KLK5: variants seen among roughly 807,000 people sequenced by gnomAD.
KLK5 encodes kallikrein related peptidase 5, also known as kallikrein-5.
KLK5 carries 18 observed loss-of-function variants against 24.0 expected under a neutral mutation model. The observed-to-expected ratio is 0.75, with a 90% confidence interval of 0.52 to 1.11. KLK5 has a LOEUF of 1.11. KLK5 is among the 50% of genes most tolerant of loss of function. KLK5 has a pLI of 0.00. For synonymous variants in KLK5, 140 were observed against 154.0 expected (o/e 0.91, Z 0.67); for missense variants, 374 against 379.2 (o/e 0.99, Z 0.11).
intron 2 of KLK5, chr19:50,950,379 T>C: frequency 1.9e-6 from 1 of 529,048 alleles, no homozygotes; most frequent in Non-Finnish European, 3.4e-6. Flanking sequence ...GAGGGTAAAA[T>C]TGGGTACAGG....
intron 5 of KLK5, among the ~76,000 whole-genome samples, chr19:50,946,980 G>A (rs546584986): frequency 6.6e-6 from 1 of 152,048 alleles, no homozygotes; most frequent in Non-Finnish European, 1.5e-5. Flanking sequence ...GTACAATTTG[G>A]GGGGAGCTTT....
At chr19:50,952,062 G>T (rs1372014226) in intron 2 of KLK5, among the ~76,000 whole-genome samples, 1 of 151,744 alleles carries the variant, frequency 6.6e-6, no homozygotes, top group Non-Finnish European at 1.5e-5. Context: ...CACAAATACG[G>T]GCATCCATAA....
Position 50,948,643 on chromosome 19 carries a change from G to A in KLK5, c.723C>T (p.Cys241=), listed in dbSNP as rs1366326952. The A allele has an allele frequency of 3.7e-6, 6 of 1,613,912 alleles. No homozygotes were observed. Among genetic ancestry groups the A allele is most frequent in the Middle Eastern group, 1.6e-4 (1 of 6,084 alleles). Residue 241 remains cysteine (C), a synonymous_variant, in exon 5 of 6, where the codon TGC becomes TGT. Transcript: ENST00000336334. ...CAGDKAGRDS[C]QGDSGGPVVC... ...GAATAAAGAGAGGTGTCCTCACCTGGCAGGAGTCTCTACCTGCTTTGTCAC... is the reference window on the plus strand; with the variant it reads ...GAATAAAGAGAGGTGTCCTCACCTGACAGGAGTCTCTACCTGCTTTGTCAC...
rs777187698 is a variant in KLK5, at chr19:50,943,623, G to A, written c.*8C>T. On this transcript the variant is annotated 3_prime_UTR_variant, in exon 6 of 6. Transcript: ENST00000336334. ...TGGGGATGCCGGTGTGCTGAGTCCTGGGATGACTCAGGAGTTGGCCTGGAT... is the reference window on the plus strand; with the variant it reads ...TGGGGATGCCGGTGTGCTGAGTCCTAGGATGACTCAGGAGTTGGCCTGGAT... 1.7e-5 allele frequency: 27 copies of A among 1,612,402 alleles called. No homozygotes were observed. The highest frequency in any genetic ancestry group is 2.2e-5 in the South Asian group (2 of 90,924).
intron 2 of KLK5, among the ~76,000 whole-genome samples, chr19:50,950,890 C>CAAAAAA (rs10650166): frequency 1.0e-5 from 1 of 99,958 alleles, no homozygotes; most frequent in African/African-American, 4.1e-5. Flanking sequence ...AGACTGTCTC[C>CAAAAAA]AAAAAAAAAA....
chr19:50,952,714 G>C (rs368201570), intron 1 of KLK5, 33 bp downstream of exon 1: 1 of 1,434,242 alleles, frequency 7.0e-7, no homozygotes, highest in Non-Finnish European at 9.5e-7. Flanking sequence ...GCGATCCGGG[G>C]AGCCCTTAAC....
intron 3 of KLK5, among the ~76,000 whole-genome samples, chr19:50,949,648 T>G (rs921699469): frequency 1.4e-5 from 2 of 146,310 alleles, no homozygotes; most frequent in African/African-American, 5.1e-5. Context: ...CCCGCAAAAC[T>G]CCATCCTTAG....
chr19:50,943,625 G>A lies in KLK5; in HGVS notation c.*6C>T. 2 of 1,612,734 alleles carry A rather than the reference G, an allele frequency of 1.2e-6. No individual in the cohort carries two copies. Among genetic ancestry groups the A allele is most frequent in the Non-Finnish European group, 1.7e-6 (2 of 1,179,002 alleles). On this transcript the variant is annotated 3_prime_UTR_variant, in exon 6 of 6. Coordinates refer to ENST00000336334, the MANE Select transcript of KLK5 (RefSeq NM_012427.5). ...GGGATGCCGGTGTGCTGAGTCCTGGGATGACTCAGGAGTTGGCCTGGATGG... is the reference window on the plus strand; with the variant it reads ...GGGATGCCGGTGTGCTGAGTCCTGGAATGACTCAGGAGTTGGCCTGGATGG...
intron 2 of KLK5, 81 bp from the exon 3 acceptor site, chr19:50,950,197 C>A: frequency 7.1e-7 from 1 of 1,413,034 alleles, no homozygotes; most frequent in East Asian, 2.3e-5. Flanking sequence ...GAGGCCAGAC[C>A]AGCTAGAGGG....
Position 50,949,133 on chromosome 19 carries a change from G to T in KLK5, c.336-18C>A. ...TGAAAACTCTGAGGAAGATGGGGCAGGTCACCACCAACCCTGATCTCTATC... is the reference window on the plus strand; with the variant it reads ...TGAAAACTCTGAGGAAGATGGGGCATGTCACCACCAACCCTGATCTCTATC... On this transcript the variant is annotated intron_variant, in intron 3 of 5. Transcript: ENST00000336334. 6.2e-7 allele frequency: 1 copy of T among 1,607,500 alleles called. No individual in the cohort carries two copies. The highest frequency in any genetic ancestry group is 8.5e-7 in the Non-Finnish European group (1 of 1,178,430).
intron 2 of KLK5, among the ~76,000 whole-genome samples, chr19:50,950,841 G>T (rs951737188): frequency 6.9e-6 from 1 of 144,144 alleles, no homozygotes; most frequent in South Asian, 2.2e-4. Flanking sequence ...GCAGTGAGCC[G>T]AGATCACGCC....
chr19:50,949,794 T>TTCCC, intron 3 of KLK5, 61 bp downstream of exon 3: 2 of 109,256 alleles, frequency 1.8e-5, no homozygotes, highest in Non-Finnish European at 3.3e-5. Flanking sequence ...CACCCCCACT[T>TTCCC]CCCCACCCCC....
At chr19:50,945,300 A>G (rs1236837387) in intron 5 of KLK5, among the ~76,000 whole-genome samples, 1 of 143,896 alleles carries the variant, frequency 6.9e-6, no homozygotes, top group Non-Finnish European at 1.5e-5. Flanking sequence ...AATTTACTAC[A>G]TATTTATCTA....
At chr19:50,945,041 C>CCT (rs1555778311) in intron 5 of KLK5, among the ~76,000 whole-genome samples, 6 of 137,454 alleles carry the variant, frequency 4.4e-5, no homozygotes, top group South Asian at 2.3e-4. Flanking sequence ...TCCTTTCTTT[C>CCT]TCCTTCCTTC....
chr19:50,952,690 G>A (rs751132329), intron 1 of KLK5, 22 bp from the exon 2 acceptor site: 2 of 1,553,052 alleles, frequency 1.3e-6, no homozygotes, highest in Non-Finnish European at 1.7e-6. Flanking sequence ...ATGTCAGAGG[G>A]TTGGGAGGCC....
chr19:50,946,816 C>A (rs2090639961), intron 5 of KLK5, among the ~76,000 whole-genome samples: 1 of 152,168 alleles, frequency 6.6e-6, no homozygotes, highest in Admixed American at 6.5e-5. Context: ...GCCTCGGCCT[C>A]CCAAAGTGTT....
At chr19:50,946,703 G>A (rs1335742475) in intron 5 of KLK5, among the ~76,000 whole-genome samples, 7 of 152,016 alleles carry the variant, frequency 4.6e-5, no homozygotes, top group African/African-American at 1.5e-4. Context: ...GGGACTACAG[G>A]CGCCTGCCAC....
Position 50,952,585 on chromosome 19 carries a change from C to A in KLK5, c.73G>T (p.Glu25Ter). 6.2e-7 allele frequency: 1 copy of A among 1,605,930 alleles called. No homozygotes were observed. Residue 25 changes from glutamate to a stop codon, truncating the protein, a stop_gained and splice_region_variant, in exon 2 of 6, where the codon GAG (glutamate) becomes TAG (stop). Coordinates refer to ENST00000336334, the MANE Select transcript of KLK5 (RefSeq NM_012427.5). LOFTEE classifies it high-confidence loss of function. The part of the protein sequence containing the change: ...LITALLLGVT[E>*]HVLANNDVSC... ...CCTCCCACCCCAGAGTTCTGGTTACCTGTGACCCCCAGAAGCAAGGCTGTG... is the reference window on the plus strand; with the variant it reads ...CCTCCCACCCCAGAGTTCTGGTTACATGTGACCCCCAGAAGCAAGGCTGTG...
At chr19:50,952,081 T>C (rs190056332) in intron 2 of KLK5, among the ~76,000 whole-genome samples, 1 of 136,146 alleles carries the variant, frequency 7.3e-6, no homozygotes, top group East Asian at 2.4e-4. Context: ...AACGTCACAC[T>C]CAGCCACAAT....
Sources: gnomAD v4.1 joint callset for allele counts (sites outside exome capture counted in the v4.1 genomes callset) on GRCh38, gnomAD v4.1.1 for gene constraint, MANE v1.5 for transcripts, NCBI Gene and HGNC (gene_info 2026-07-23, HGNC 2026-07-21) for gene names.